The following RNF138 variants were observed in gnomAD, a reference collection of about 807,000 sequenced individuals.
RNF138 encodes E3 ubiquitin-protein ligase RNF138.
Under a neutral mutation model 31.0 loss-of-function variants are expected in RNF138, and 12 were observed. That is an observed-to-expected ratio of 0.39 (90% confidence interval 0.25 to 0.63). RNF138 has a LOEUF of 0.63. Among genes scored for constraint, RNF138 ranks in the 20% least tolerant of loss-of-function variants. The pLI, the probability that RNF138 is intolerant of heterozygous loss-of-function variation, is 0.52. For synonymous variants in RNF138, 105 were observed against 99.5 expected, an observed-to-expected ratio of 1.06 and a Z score of -0.33; for missense variants, 192 against 300.1, an observed-to-expected ratio of 0.64 and a Z score of 2.66.
Position 32,091,885 on chromosome 18 carries a change from G to C in RNF138, c.-428G>C, listed in dbSNP as rs1013239136. ...AACCCGCGGAAGGCGCCGTGCGCCG[G>C]TTGCTATACAGGCCGCACTTCACAC... On this transcript the variant is annotated 5_prime_UTR_variant, in exon 1 of 8. Transcript: ENST00000261593. The C allele has an allele frequency of 1.3e-5, 2 of 152,218 alleles. No homozygotes were observed. Among genetic ancestry groups the C allele is most frequent in the African/African-American group, 2.4e-5 (1 of 41,462 alleles). 9.4% of individuals were successfully genotyped at this position (152,218 alleles called of 1,614,324 possible). A position where few individuals can be genotyped will look rare whatever the true frequency, so the allele number is the denominator to read the frequency against.
intron 5 of RNF138, 103 bp from the exon 6 acceptor site, chr18:32,124,631 T>C (rs570460869): frequency 2.6e-5 from 17 of 657,022 alleles, no homozygotes; most frequent in African/African-American, 3.6e-5. Context: ...GTCTAATAAT[T>C]ATAACTTTTT....
At chr18:32,097,938 G>GTA (rs202005922) in intron 2 of RNF138, among the ~76,000 whole-genome samples, 1 of 135,568 alleles carries the variant, frequency 7.4e-6, no homozygotes, top group Non-Finnish European at 1.6e-5. Flanking sequence ...ATATGTGTAT[G>GTA]TATATATGTG....
At chr18:32,103,006 A>G (rs2039969509) in intron 2 of RNF138, among the ~76,000 whole-genome samples, 2 of 152,138 alleles carry the variant, frequency 1.3e-5, no homozygotes, top group Non-Finnish European at 2.9e-5. Context: ...ATGCCTTTAA[A>G]TATTTGCTTT....
At chr18:32,100,703 C>T (rs2039920180) in intron 2 of RNF138, among the ~76,000 whole-genome samples, 2 of 151,880 alleles carry the variant, frequency 1.3e-5, no homozygotes, top group Non-Finnish European at 2.9e-5. Flanking sequence ...CTCGAACTCC[C>T]AACCTCAGGT....
rs2040445765 is a variant in RNF138, at chr18:32,129,903, A to G, written c.*716A>G. On this transcript the variant is annotated 3_prime_UTR_variant, in exon 8 of 8. Coordinates refer to ENST00000261593, the MANE Select transcript of RNF138 (RefSeq NM_016271.5). ...TGACTGATTTGTAAGCCTAGAATAT[A>G]CTAAGCTGAATAACAGCTCTTTGGC... 1 of 152,306 alleles carries G rather than the reference A, an allele frequency of 6.6e-6. No homozygotes were observed. Among genetic ancestry groups the G allele is most frequent in the Non-Finnish European group, 1.5e-5 (1 of 67,950 alleles). 9.4% of individuals were successfully genotyped at this position (152,306 alleles called of 1,614,324 possible). A position where few individuals can be genotyped will look rare whatever the true frequency, so the allele number is the denominator to read the frequency against.
rs201955751 is a variant in RNF138, at chr18:32,113,701, C to T, written c.277-44C>T. On this transcript the variant is annotated intron_variant, in intron 3 of 7. Transcript: ENST00000261593. ...TCTCTTTACACTATTTCAAATCTTACGAGTTCTATTTTAAATTAAAAGTCA... is the reference window on the plus strand; with the variant it reads ...TCTCTTTACACTATTTCAAATCTTATGAGTTCTATTTTAAATTAAAAGTCA... 7.0e-5 allele frequency: 61 copies of T among 867,436 alleles called. No individual in the cohort carries two copies. The East Asian group carries it at 1.3e-3, about 18-fold the overall frequency. 53.7% of individuals were successfully genotyped at this position (867,436 alleles called of 1,614,324 possible). A position where few individuals can be genotyped will look rare whatever the true frequency, so the allele number is the denominator to read the frequency against.
At chr18:32,119,030 T>G (rs1362750618) in intron 4 of RNF138, among the ~76,000 whole-genome samples, 1 of 152,212 alleles carries the variant, frequency 6.6e-6, no homozygotes, top group Non-Finnish European at 1.5e-5. Flanking sequence ...GATATTTTCT[T>G]CTTAAACTTT....
Position 32,092,875 on chromosome 18 carries a change from C to A in RNF138, c.99C>A (p.Ala33=). The A allele has an allele frequency of 6.4e-7, 1 of 1,573,674 alleles. No homozygotes were observed. Among genetic ancestry groups the A allele is most frequent in the Non-Finnish European group, 8.6e-7 (1 of 1,161,414 alleles). Residue 33 remains alanine, a synonymous_variant, in exon 2 of 8, where the codon GCC becomes GCA. Coordinates refer to ENST00000261593, the MANE Select transcript of RNF138 (RefSeq NM_016271.5). ...EVLKTPVRTT[A]CQHVFCRKCF... ...TCAAAACGCCCGTGCGGACCACGGCCTGTCAGCACGTGTGAGTAGACGCCC... is the reference window on the plus strand; with the variant it reads ...TCAAAACGCCCGTGCGGACCACGGCATGTCAGCACGTGTGAGTAGACGCCC...
intron 5 of RNF138, 32 bp downstream of exon 5, chr18:32,123,606 A>T: frequency 7.1e-7 from 1 of 1,405,498 alleles, no homozygotes; most frequent in Non-Finnish European, 9.8e-7. Flanking sequence ...CCACTTTAGC[A>T]AGTAATATTA....
intron 2 of RNF138, among the ~76,000 whole-genome samples, chr18:32,102,202 T>C (rs1337230745): frequency 2.3e-5 from 3 of 132,338 alleles, no homozygotes; most frequent in Non-Finnish European, 4.8e-5. Flanking sequence ...TTTCTTTTTT[T>C]TTTTTTTTTT....
intron 2 of RNF138, among the ~76,000 whole-genome samples, chr18:32,098,469 T>C (rs2039854340): frequency 6.6e-6 from 1 of 152,188 alleles, no homozygotes; most frequent in South Asian, 2.1e-4. Flanking sequence ...AACAGCTTTA[T>C]TGGTATCTTG....
Position 32,115,769 on chromosome 18 carries a change from G to A in RNF138, c.392+1909G>A, listed in dbSNP as rs115120276. On this transcript the variant is annotated intron_variant, in intron 4 of 7. Coordinates refer to ENST00000261593, the MANE Select transcript of RNF138 (RefSeq NM_016271.5). Reference sequence around the variant, plus strand: ...AAAACACACACACACGCACACACACGCACGCACGCACACACACACTTCCTT... The same window carrying A: ...AAAACACACACACACGCACACACACACACGCACGCACACACACACTTCCTT... 7.3e-3 allele frequency among the ~76,000 whole-genome samples: 1,102 copies of A among 151,568 alleles called. 19 individuals are homozygous for A. Among genetic ancestry groups the A allele is most frequent in the African/African-American group, 0.025 (1,053 of 41,310 alleles).
chr18:32,110,881 T>G (rs2144594878), intron 2 of RNF138, among the ~76,000 whole-genome samples: 1 of 152,070 alleles, frequency 6.6e-6, no homozygotes, highest in South Asian at 2.1e-4. Flanking sequence ...CCTGGGTTCA[T>G]GCCATTCTCC....
In RNF138 at chr18:32,124,811, G is replaced by A; in HGVS notation, c.527G>A (p.Cys176Tyr). 6.3e-7 allele frequency: 1 copy of A among 1,593,064 alleles called. No homozygotes were observed. The highest frequency in any genetic ancestry group is 8.6e-7 in the Non-Finnish European group (1 of 1,160,934). Reference sequence around the variant, plus strand: ...ACCAGACAGCGTTTACTGGATCACTGTAACAGTAATCACCTATTTCAGATA... The same window carrying A: ...ACCAGACAGCGTTTACTGGATCACTATAACAGTAATCACCTATTTCAGATA... The part of the protein sequence containing the change: ...NFTRQRLLDH[C>Y]NSNHLFQIVP... The change falls in exon 6 of 8, where the codon TGT becomes TAT. Residue 176 changes from cysteine to tyrosine, a missense_variant. Cys to Tyr is a radical substitution (Grantham distance 194). Transcript: ENST00000261593.
chr18:32,119,390 G>C (rs2040267814), intron 4 of RNF138, among the ~76,000 whole-genome samples: 1 of 152,078 alleles, frequency 6.6e-6, no homozygotes. Flanking sequence ...ATGAGCCTCT[G>C]TGGTGCCTGG....
Position 32,091,895 on chromosome 18 carries a change from A to T in RNF138, c.-418A>T, listed in dbSNP as rs1313019678. On this transcript the variant is annotated 5_prime_UTR_variant, in exon 1 of 8. Transcript: ENST00000261593. Reference sequence around the variant, plus strand: ...AGGCGCCGTGCGCCGGTTGCTATACAGGCCGCACTTCACACCCCGTGCCTC... The same window carrying T: ...AGGCGCCGTGCGCCGGTTGCTATACTGGCCGCACTTCACACCCCGTGCCTC... The T allele has an allele frequency of 6.6e-6, 1 of 152,178 alleles. No individual in the cohort carries two copies. The highest frequency in any genetic ancestry group is 1.5e-5 in the Non-Finnish European group (1 of 68,062). The allele number at this position is 152,178 out of a possible 1,614,324, so 9.4% of individuals were successfully genotyped here.
At chr18:32,113,918 G>T in intron 4 of RNF138, 58 bp downstream of exon 4, 1 of 899,150 alleles carries the variant, frequency 1.1e-6, no homozygotes, top group Non-Finnish European at 1.7e-6. Context: ...AAATTGTTTT[G>T]GGAACTATAT....
chr18:32,128,804 A>C (rs920332961), intron 7 of RNF138, among the ~76,000 whole-genome samples: 1 of 152,136 alleles, frequency 6.6e-6, no homozygotes, highest in Non-Finnish European at 1.5e-5. Flanking sequence ...ATGCTTACCC[A>C]GCTTTCCAGT....
chr18:32,125,187 G>A (rs372011672), intron 6 of RNF138: 1 of 181,768 alleles, frequency 5.5e-6, no homozygotes. Context: ...TGGCAGACAA[G>A]TAGATCTAGT....
Sources: allele counts gnomAD v4.1 joint callset (sites outside exome capture counted in the v4.1 genomes callset), GRCh38; gene constraint gnomAD v4.1.1; transcripts MANE v1.5; gene names NCBI Gene and HGNC (gene_info 2026-07-23, HGNC 2026-07-21).